Variants in RAP1GAP observed in about 807,000 individuals in gnomAD.
RAP1GAP encodes the protein RAP1 GTPase activating protein.
A neutral mutation model predicts 87.2 loss-of-function variants in RAP1GAP; 35 were observed. That is an observed-to-expected ratio of 0.40 (90% CI 0.31 to 0.53). The LOEUF is 0.53. RAP1GAP is among the 20% of genes least tolerant of loss of function. The pLI, the probability that RAP1GAP is intolerant of heterozygous loss-of-function variation, is 0.48. For synonymous variants in RAP1GAP, 375 were observed against 363.9 expected (o/e 1.03, Z -0.35); for missense variants, 734 against 898.9 (o/e 0.82, Z 2.35).
At position 21,609,748 on chromosome 1, in the gene RAP1GAP, G is replaced by T; in HGVS notation, c.1000-102C>A. 1 of 836,732 alleles carries T rather than the reference G, an allele frequency of 1.2e-6. No individual in the cohort carries two copies. The highest frequency in any genetic ancestry group is 1.8e-6 in the Non-Finnish European group (1 of 554,344). 51.8% of individuals were successfully genotyped at this position (836,732 alleles called of 1,614,324 possible). ...TGCCTCCCTGGACTGCCCCTTGGTC[G>T]GGGAGACCCAGTGACTGTGGGCTGG... On this transcript the variant is annotated intron_variant, in intron 14 of 24. Transcript: ENST00000374765. This position sits in a 1 kb window ranked among gnomAD's most constrained non-coding sequence, Gnocchi z 4.4.
At chr1:21,614,673 G>A (rs1269421299) in intron 7 of RAP1GAP, among the ~76,000 whole-genome samples, 3 of 152,174 alleles carry the variant, frequency 2.0e-5, no homozygotes, top group South Asian at 2.1e-4. Flanking sequence ...GGGTTGGGAA[G>A]ACACCCTGGG....
chr1:21,612,276 G>A (rs576502337), intron 10 of RAP1GAP, among the ~76,000 whole-genome samples, 167 bp from the exon 11 acceptor site: 1 of 152,272 alleles, frequency 6.6e-6, no homozygotes, highest in South Asian at 2.1e-4. Context: ...TGAAACTCAG[G>A]TTCAGAGACC....
At chr1:21,643,660 G>A (rs576382921) in intron 2 of RAP1GAP, among the ~76,000 whole-genome samples, 1 of 152,018 alleles carries the variant, frequency 6.6e-6, no homozygotes, top group African/African-American at 2.4e-5. Context: ...TATCACTAGA[G>A]AATCTCTCTT....
intron 7 of RAP1GAP, among the ~76,000 whole-genome samples, chr1:21,614,983 C>A (rs184615558): frequency 1.5e-3 from 226 of 152,344 alleles, no homozygotes; most frequent in African/African-American, 5.2e-3. Context: ...ATGTGCCCCA[C>A]GAATCCGCAG....
At position 21,612,066 on chromosome 1, in the gene RAP1GAP, T is replaced by C. The variant is rs949391122; in HGVS notation, c.572A>G (p.Asn191Ser). The change falls in exon 11 of 25, where the codon AAT becomes AGT. Residue 191 changes from asparagine to serine, a missense_variant. This residue lies in a region of RAP1GAP where 485 missense variants were observed against 646.2 expected (regional missense o/e 0.75). Coordinates refer to ENST00000374765, the MANE Select transcript of RAP1GAP (RefSeq NM_002885.4). Reference sequence around the variant, plus strand: ...ATAAATGACGCCAAACTTGAAGTTATTGCTGATGACATGCTCGTCAAAGGT... The same window carrying C: ...ATAAATGACGCCAAACTTGAAGTTACTGCTGATGACATGCTCGTCAAAGGT... The part of the protein sequence containing the change: ...IVTFDEHVIS[N>S]NFKFGVIYQK... 13 of 1,554,600 alleles carry C rather than the reference T, an allele frequency of 8.4e-6. No homozygotes were observed. Among genetic ancestry groups the C allele is most frequent in the Non-Finnish European group, 1.0e-5 (12 of 1,148,468 alleles).
At chr1:21,610,760 T>C (rs1329098148) in intron 13 of RAP1GAP, among the ~76,000 whole-genome samples, 1 of 152,158 alleles carries the variant, frequency 6.6e-6, no homozygotes, top group Admixed American at 6.5e-5. Flanking sequence ...GGCCCCCAAT[T>C]GAATAAACAA....
At chr1:21,623,788 C>T (rs1382861119) in intron 3 of RAP1GAP, among the ~76,000 whole-genome samples, 1 of 152,242 alleles carries the variant, frequency 6.6e-6, no homozygotes, top group Non-Finnish European at 1.5e-5. Context: ...GGGCACCCAT[C>T]GAAATCCAGC....
At chr1:21,647,278 T>C (rs1466953608) in intron 2 of RAP1GAP, among the ~76,000 whole-genome samples, 1 of 152,114 alleles carries the variant, frequency 6.6e-6, no homozygotes, top group Non-Finnish European at 1.5e-5. Flanking sequence ...CTGGCCAACA[T>C]GGTGAGACCT....
intron 3 of RAP1GAP, among the ~76,000 whole-genome samples, chr1:21,621,424 C>G (rs2087425105): frequency 6.6e-6 from 1 of 152,232 alleles, no homozygotes; most frequent in Non-Finnish European, 1.5e-5. Context: ...CCCGCACACA[C>G]ACACAGAGCT....
At chr1:21,602,997 C>T (rs1482921309) in intron 18 of RAP1GAP, 84 bp from the exon 19 acceptor site, 27 of 994,320 alleles carry the variant, frequency 2.7e-5, no homozygotes, top group Non-Finnish European at 4.1e-5. Context: ...ATCCTGCTGC[C>T]CCAGGCCCTG....
intron 2 of RAP1GAP, among the ~76,000 whole-genome samples, chr1:21,647,190 G>A (rs1429174832): frequency 6.6e-6 from 1 of 152,170 alleles, no homozygotes; most frequent in African/African-American, 2.4e-5. Context: ...AGAAAGTGGG[G>A]GCTAAGTTGA....
rs906872935 is a variant in RAP1GAP at position 21,596,519 on chromosome 1, A to G, written c.*780T>C. ...GGAGCCAGGTAGGTCCCCATCCCCC[A>G]TGAGGGGGTTACTTGTCTGTCATGT... On this transcript the variant is annotated 3_prime_UTR_variant, in exon 25 of 25. Transcript: ENST00000374765. 2.6e-5 allele frequency: 4 copies of G among 152,330 alleles called. No homozygotes were observed. The highest frequency in any genetic ancestry group is 9.7e-5 in the African/African-American group (4 of 41,446). 9.4% of individuals were successfully genotyped at this position (152,330 alleles called of 1,614,324 possible).
chr1:21,629,251 G>T (rs9426770), intron 2 of RAP1GAP, among the ~76,000 whole-genome samples: 1 of 152,010 alleles, frequency 6.6e-6, no homozygotes, highest in African/African-American at 2.4e-5. Flanking sequence ...TGCTGGGTGC[G>T]GCCGTGGCTG....
chr1:21,613,750 A>G lies in RAP1GAP; in HGVS notation c.396-44T>C, dbSNP rs919643186. 10 of 1,551,650 alleles carry G rather than the reference A, an allele frequency of 6.4e-6. No individual in the cohort carries two copies. The highest frequency in any genetic ancestry group is 8.9e-6 in the Non-Finnish European group (10 of 1,125,106). On this transcript the variant is annotated intron_variant, in intron 8 of 24. Coordinates refer to ENST00000374765, the MANE Select transcript of RAP1GAP (RefSeq NM_002885.4). This position sits in a 1 kb window ranked among gnomAD's most constrained non-coding sequence, Gnocchi z 4.7. ...ACGATGAAGGCCTGGGCAGCAGGACAGGAAAATGGGAACCCCACCCCCCAC... is the reference window on the plus strand; with the variant it reads ...ACGATGAAGGCCTGGGCAGCAGGACGGGAAAATGGGAACCCCACCCCCCAC...
intron 2 of RAP1GAP, among the ~76,000 whole-genome samples, chr1:21,628,172 C>T (rs1044571157): frequency 2.0e-5 from 3 of 152,120 alleles, no homozygotes; most frequent in African/African-American, 7.2e-5. Flanking sequence ...AACATCCCTA[C>T]GCACAGGTTC....
chr1:21,606,959 AC>A (rs2075071679), intron 17 of RAP1GAP, among the ~76,000 whole-genome samples: 1 of 151,984 alleles, frequency 6.6e-6, no homozygotes. Flanking sequence ...ATCCATATTG[AC>A]CCCACCTGTC....
chr1:21,640,541 G>A (rs537737985), intron 2 of RAP1GAP, among the ~76,000 whole-genome samples: 5 of 152,330 alleles, frequency 3.3e-5, no homozygotes, highest in South Asian at 2.1e-4. Flanking sequence ...ATATGTGTGT[G>A]TGTACATGTA....
chr1:21,609,537 T>C lies in RAP1GAP; in HGVS notation c.1071+38A>G, dbSNP rs1476247248. ...TGCACCCCCCAGGCCCCCACCCATT[T>C]GTCCTGCTCTGCCCATGACTGGGGG... On this transcript the variant is annotated intron_variant, in intron 15 of 24. Transcript: ENST00000374765. This position sits in a 1 kb window ranked among gnomAD's most constrained non-coding sequence, Gnocchi z 4.4. The C allele has an allele frequency of 4.8e-6, 6 of 1,257,124 alleles. No homozygotes were observed. Among genetic ancestry groups the C allele is most frequent in the South Asian group, 1.8e-5 (1 of 54,912 alleles). The allele number at this position is 1,257,124 out of a possible 1,614,324, so 77.9% of individuals were successfully genotyped here.
At chr1:21,657,775 C>A (rs1232069432) in intron 1 of RAP1GAP, among the ~76,000 whole-genome samples, 1 of 152,202 alleles carries the variant, frequency 6.6e-6, no homozygotes, top group African/African-American at 2.4e-5. Flanking sequence ...GGCAACCCAC[C>A]ATTTCTCATC....
Sources: gnomAD v4.1 joint callset for allele counts (sites outside exome capture counted in the v4.1 genomes callset) on GRCh38, gnomAD v4.1.1 for gene constraint, gnomAD v4.1.1 regional missense constraint, Gnocchi (gnomAD v3.1) non-coding constraint, MANE v1.5 for transcripts, NCBI Gene and HGNC (gene_info 2026-07-23, HGNC 2026-07-21) for gene names.